GRIN2A: variants seen among roughly 807,000 people sequenced by gnomAD.
The protein encoded by GRIN2A is glutamate ionotropic receptor NMDA type subunit 2A.
Under a neutral mutation model 113.4 loss-of-function variants are expected in GRIN2A, and 22 were observed. That is an observed-to-expected ratio of 0.19 (90% CI 0.14 to 0.28). GRIN2A has a LOEUF of 0.28. GRIN2A is among the 10% of genes least tolerant of loss of function. GRIN2A has a pLI of 1.00. For synonymous variants in GRIN2A, 827 were observed against 738.4 expected (o/e 1.12, Z -1.94); for missense variants, 1,502 against 1,887.0 (o/e 0.80, Z 3.78).
intron 3 of GRIN2A, among the ~76,000 whole-genome samples, chr16:9,922,256 G>T (rs185210973): frequency 6.6e-6 from 1 of 151,640 alleles, no homozygotes; most frequent in Non-Finnish European, 1.5e-5. Context: ...TGCCTGCTCT[G>T]ACATCATGAA....
rs1167336923 is a variant in GRIN2A at position 9,878,471 on chromosome 16, T to C, written c.1122+12515A>G. ...ACTATTATGGCCTCCCTTTTAGATA[T>C]GAGAAAATGCAGAGAATGTTGGGAG... On this transcript the variant is annotated intron_variant, in intron 4 of 12. Transcript: ENST00000330684. 2.0e-5 allele frequency among the ~76,000 whole-genome samples: 3 copies of C among 152,152 alleles called. No homozygotes were observed. The East Asian group carries it at 5.8e-4, about 29-fold the overall frequency.
chr16:9,928,038 C>T (rs914444365), intron 3 of GRIN2A, among the ~76,000 whole-genome samples: 1 of 152,176 alleles, frequency 6.6e-6, no homozygotes, highest in African/African-American at 2.4e-5. Flanking sequence ...AACTTTGAGG[C>T]CCATGTAGAA....
At chr16:10,022,979 A>G (rs573906429) in intron 2 of GRIN2A, among the ~76,000 whole-genome samples, 10 of 152,358 alleles carry the variant, frequency 6.6e-5, no homozygotes, top group African/African-American at 2.4e-4. Flanking sequence ...CTCAGTTTGT[A>G]GATTAACACA....
At chr16:10,050,812 T>G (rs1369287682) in intron 2 of GRIN2A, among the ~76,000 whole-genome samples, 1 of 152,082 alleles carries the variant, frequency 6.6e-6, no homozygotes, top group Admixed American at 6.6e-5. Flanking sequence ...GTAGAGACAG[T>G]GAATCATAAT....
intron 2 of GRIN2A, among the ~76,000 whole-genome samples, chr16:10,173,610 A>G (rs572974794): frequency 1.3e-5 from 2 of 152,348 alleles, no homozygotes; most frequent in East Asian, 3.9e-4. Flanking sequence ...GATTCATTCA[A>G]TCAACAAACA....
chr16:10,169,014 TAA>T (rs2049984350), intron 2 of GRIN2A, among the ~76,000 whole-genome samples: 4 of 137,576 alleles, frequency 2.9e-5, no homozygotes, highest in Non-Finnish European at 6.4e-5. Context: ...ATAATAATAA[TAA>T]TAATTTCACT....
chr16:10,153,797 T>C (rs141843438), intron 2 of GRIN2A, among the ~76,000 whole-genome samples: 126 of 152,228 alleles, frequency 8.3e-4, no homozygotes, highest in African/African-American at 2.8e-3. Flanking sequence ...GACGGAAAGA[T>C]CTCCTTAATG....
At chr16:10,092,403 G>T (rs958020464) in intron 2 of GRIN2A, among the ~76,000 whole-genome samples, 17 of 152,122 alleles carry the variant, frequency 1.1e-4, no homozygotes, top group African/African-American at 4.1e-4. Flanking sequence ...GGAATACAGG[G>T]GACAGCATCA....
chr16:9,852,827 T>C (rs2042908534), intron 4 of GRIN2A, among the ~76,000 whole-genome samples: 1 of 152,224 alleles, frequency 6.6e-6, no homozygotes, highest in Non-Finnish European at 1.5e-5. Flanking sequence ...CCAGTGTTTG[T>C]AGACAGGTTT....
intron 2 of GRIN2A, among the ~76,000 whole-genome samples, chr16:9,984,360 G>C (rs1226333020): frequency 6.6e-6 from 1 of 152,016 alleles, no homozygotes; most frequent in Admixed American, 6.6e-5. Flanking sequence ...CTGAGCAGAA[G>C]CTTTTACATT....
At chr16:10,145,201 T>C (rs562990437) in intron 2 of GRIN2A, among the ~76,000 whole-genome samples, 2 of 152,196 alleles carry the variant, frequency 1.3e-5, no homozygotes, top group African/African-American at 4.8e-5. Flanking sequence ...GGAGCTGCTG[T>C]TCAATAAAGT....
At chr16:10,104,039 G>C (rs1277286475) in intron 2 of GRIN2A, among the ~76,000 whole-genome samples, 1 of 152,124 alleles carries the variant, frequency 6.6e-6, no homozygotes, top group Non-Finnish European at 1.5e-5. Context: ...TTAAAATACA[G>C]AACTCACACA....
chr16:9,775,829 A>C (rs986325876), intron 11 of GRIN2A, among the ~76,000 whole-genome samples: 1 of 152,208 alleles, frequency 6.6e-6, no homozygotes, highest in African/African-American at 2.4e-5. Flanking sequence ...TTGGAAATCC[A>C]GTGTCTCCTC....
intron 2 of GRIN2A, among the ~76,000 whole-genome samples, chr16:10,152,155 G>A (rs558669938): frequency 2.3e-4 from 35 of 152,290 alleles, no homozygotes; most frequent in Non-Finnish European, 4.6e-4. Context: ...AAAAAATCAA[G>A]CAGTGTAACC....
intron 2 of GRIN2A, among the ~76,000 whole-genome samples, chr16:10,150,530 T>G (rs966869636): frequency 1.3e-5 from 2 of 152,166 alleles, no homozygotes; most frequent in African/African-American, 4.8e-5. Context: ...TCTCTACCTC[T>G]CAGAACCTGT....
At chr16:9,933,672 T>C (rs2044649068) in intron 3 of GRIN2A, among the ~76,000 whole-genome samples, 1 of 152,198 alleles carries the variant, frequency 6.6e-6, no homozygotes, top group South Asian at 2.1e-4. Flanking sequence ...CTGGTAGATC[T>C]AACACAGGCT....
chr16:10,137,113 T>G (rs1367121234), intron 2 of GRIN2A, among the ~76,000 whole-genome samples: 1 of 152,120 alleles, frequency 6.6e-6, no homozygotes, highest in East Asian at 1.9e-4. Flanking sequence ...TCACTCCCCC[T>G]GCAGGTGGGC....
chr16:10,172,513 A>C (rs976895315), intron 2 of GRIN2A, among the ~76,000 whole-genome samples: 1 of 152,238 alleles, frequency 6.6e-6, no homozygotes, highest in Non-Finnish European at 1.5e-5. Context: ...TGTATGTAAC[A>C]TAAATGAGTG....
At chr16:10,148,531 T>C (rs1333783319) in intron 2 of GRIN2A, among the ~76,000 whole-genome samples, 1 of 152,222 alleles carries the variant, frequency 6.6e-6, no homozygotes, top group East Asian at 1.9e-4. Flanking sequence ...GCCAACCTGT[T>C]TGATATCTGC....
Sources: gnomAD v4.1 joint callset for allele counts (sites outside exome capture counted in the v4.1 genomes callset) on GRCh38, gnomAD v4.1.1 for gene constraint, MANE v1.5 for transcripts, NCBI Gene and HGNC (gene_info 2026-07-23, HGNC 2026-07-21) for gene names.